DRC2: variants seen among roughly 807,000 people sequenced by gnomAD.
DRC2 encodes coiled-coil domain containing 65.
chr12:48,914,165 C>G, the DRC2 span, among the ~76,000 whole-genome samples: 1 of 151,510 alleles, frequency 6.6e-6, no homozygotes. Flanking sequence ...TCTTGAGCTC[C>G]CAGGCTCATG....
the DRC2 span, chr12:48,921,129 G>T: frequency 6.2e-7 from 1 of 1,611,100 alleles, no homozygotes; most frequent in Non-Finnish European, 8.5e-7. Context: ...TTGCTAATGG[G>T]TCTCGCTGCA....
chr12:48,913,579 G>A, the DRC2 span, among the ~76,000 whole-genome samples: 1 of 151,886 alleles, frequency 6.6e-6, no homozygotes, highest in Admixed American at 6.6e-5. Flanking sequence ...TGCAACCTCT[G>A]CCTCCCAGGT....
chr12:48,909,778 C>G, the DRC2 span, among the ~76,000 whole-genome samples: 1 of 139,010 alleles, frequency 7.2e-6, no homozygotes, highest in Non-Finnish European at 1.5e-5. Flanking sequence ...CGCCCAGCCT[C>G]TTTTTTTTTT....
chr12:48,916,961 C>A, the DRC2 span: 1 of 1,613,128 alleles, frequency 6.2e-7, no homozygotes, highest in Non-Finnish European at 8.5e-7. Flanking sequence ...AGTGTCTTGT[C>A]TCCTACAGGA....
the DRC2 span, chr12:48,917,126 A>G: frequency 1.2e-6 from 2 of 1,613,510 alleles, no homozygotes; most frequent in East Asian, 4.5e-5. Context: ...GGGAGAGTAG[A>G]TAGGCAAGAA....
At chr12:48,912,212 G>A in the DRC2 span, among the ~76,000 whole-genome samples, 2 of 152,060 alleles carry the variant, frequency 1.3e-5, no homozygotes, top group South Asian at 2.1e-4. Context: ...AATGAGCCAA[G>A]ATCGCACCAC....
At chr12:48,912,076 G>A in the DRC2 span, among the ~76,000 whole-genome samples, 1 of 151,866 alleles carries the variant, frequency 6.6e-6, no homozygotes, top group East Asian at 1.9e-4. Context: ...TGACCAACAT[G>A]GTGAAATCTC....
the DRC2 span, among the ~76,000 whole-genome samples, chr12:48,912,729 CTG>C: frequency 1.3e-5 from 2 of 152,190 alleles, no homozygotes. Flanking sequence ...GGAGATATTG[CTG>C]TGATTTTCTT....
At chr12:48,920,456 A>ATT in the DRC2 span, among the ~76,000 whole-genome samples, 1 of 148,416 alleles carries the variant, frequency 6.7e-6, no homozygotes, top group Non-Finnish European at 1.5e-5. Flanking sequence ...AAAAAAAAAA[A>ATT]AAAAAAAAAA....
At chr12:48,914,946 C>A in the DRC2 span, among the ~76,000 whole-genome samples, 1 of 151,982 alleles carries the variant, frequency 6.6e-6, no homozygotes, top group African/African-American at 2.4e-5. Context: ...GCAACCTCTG[C>A]CTCCCGGGTT....
the DRC2 span, chr12:48,904,360 C>A: frequency 6.2e-7 from 1 of 1,613,712 alleles, no homozygotes; most frequent in Non-Finnish European, 8.5e-7. Context: ...AAAAAATGGC[C>A]AAGACGCCCC....
At chr12:48,918,956 C>G in the DRC2 span, 1 of 1,432,050 alleles carries the variant, frequency 7.0e-7, no homozygotes, top group Admixed American at 1.8e-5. Context: ...TGCCTCCCTG[C>G]AAAGTGAAAG....
chr12:48,920,383 G>GT, the DRC2 span, among the ~76,000 whole-genome samples: 388 of 134,160 alleles, frequency 2.9e-3, 1 homozygote, highest in African/African-American at 9.5e-3. Flanking sequence ...AGAGGTTGCG[G>GT]TGAGTCGAGA....
the DRC2 span, among the ~76,000 whole-genome samples, chr12:48,905,953 G>A: frequency 2.0e-5 from 3 of 151,966 alleles, no homozygotes; most frequent in Non-Finnish European, 4.4e-5. Context: ...TGTATTTTTA[G>A]TTGAGATGGG....
the DRC2 span, among the ~76,000 whole-genome samples, chr12:48,913,925 CTT>C: frequency 1.0e-3 from 98 of 95,998 alleles, no homozygotes; most frequent in African/African-American, 3.3e-3. Flanking sequence ...CGTGCCCAGT[CTT>C]TTTTTTTTTT....
the DRC2 span, chr12:48,921,423 AAAC>A: frequency 1.2e-6 from 2 of 1,609,784 alleles, no homozygotes; most frequent in African/African-American, 2.7e-5. Flanking sequence ...TCCAGGTGAT[AAAC>A]AACATCCAAC....
At chr12:48,920,891 T>G in the DRC2 span, 1 of 1,574,712 alleles carries the variant, frequency 6.4e-7, no homozygotes, top group Non-Finnish European at 8.6e-7. Flanking sequence ...CCCTCTTCAC[T>G]CCCTTTCCTA....
chr12:48,910,109 G>A, the DRC2 span, among the ~76,000 whole-genome samples: 1 of 152,140 alleles, frequency 6.6e-6, no homozygotes, highest in Non-Finnish European at 1.5e-5. Flanking sequence ...CCTCCTTCAA[G>A]AGTTGTTACA....
At chr12:48,921,177 G>A in the DRC2 span, 4 of 1,613,916 alleles carry the variant, frequency 2.5e-6, no homozygotes, top group Non-Finnish European at 3.4e-6. Flanking sequence ...GGTGATGGTG[G>A]ACTACATAGG....
Sources: allele counts gnomAD v4.1 joint callset (sites outside exome capture counted in the v4.1 genomes callset), GRCh38; gene constraint gnomAD v4.1.1; transcripts MANE v1.5; gene names NCBI Gene and HGNC (gene_info 2026-07-23, HGNC 2026-07-21).